AFG2A: variants seen among roughly 807,000 people sequenced by gnomAD.
AFG2A encodes ATPase family gene 2 protein homolog A.
the AFG2A span, among the ~76,000 whole-genome samples, chr4:123,112,798 C>T: frequency 6.6e-6 from 1 of 151,762 alleles, no homozygotes; most frequent in African/African-American, 2.4e-5. Flanking sequence ...GCTTTCTTTT[C>T]TTGATATTTT....
At chr4:122,948,387 T>TGCACACACACACAC in the AFG2A span, among the ~76,000 whole-genome samples, 1 of 129,550 alleles carries the variant, frequency 7.7e-6, no homozygotes, top group African/African-American at 2.9e-5. Flanking sequence ...CTCCAGAGTA[T>TGCACACACACACAC]ACACACACAC....
the AFG2A span, among the ~76,000 whole-genome samples, chr4:123,172,478 G>A: frequency 6.6e-6 from 1 of 152,110 alleles, no homozygotes; most frequent in South Asian, 2.1e-4. Context: ...TACATCTTTA[G>A]TGAAATGTTG....
chr4:123,055,501 G>T, the AFG2A span, among the ~76,000 whole-genome samples: 6 of 152,140 alleles, frequency 3.9e-5, no homozygotes, highest in Non-Finnish European at 8.8e-5. Flanking sequence ...ACCAGTTTGG[G>T]ATTAGTTAAC....
chr4:123,216,613 G>T, the AFG2A span, among the ~76,000 whole-genome samples: 1 of 151,152 alleles, frequency 6.6e-6, no homozygotes, highest in Non-Finnish European at 1.5e-5. Context: ...ACAATGGTCT[G>T]GAAAATTGTT....
the AFG2A span, among the ~76,000 whole-genome samples, chr4:123,283,223 GAAT>G: frequency 2.0e-5 from 3 of 152,040 alleles, no homozygotes; most frequent in Admixed American, 6.6e-5. Context: ...CTGATAAAGG[GAAT>G]AATATTTTTA....
chr4:123,232,770 C>T, the AFG2A span, among the ~76,000 whole-genome samples: 8 of 151,906 alleles, frequency 5.3e-5, no homozygotes, highest in African/African-American at 9.7e-5. Flanking sequence ...AATGTTATGT[C>T]GTGGCAGAAT....
At chr4:123,274,527 T>C in the AFG2A span, among the ~76,000 whole-genome samples, 1 of 151,806 alleles carries the variant, frequency 6.6e-6, no homozygotes, top group African/African-American at 2.4e-5. Flanking sequence ...TGATATTTGA[T>C]GATAACAGAT....
At chr4:123,185,300 T>C in the AFG2A span, among the ~76,000 whole-genome samples, 1 of 152,072 alleles carries the variant, frequency 6.6e-6, no homozygotes, top group South Asian at 2.1e-4. Flanking sequence ...CTGTGTTTTA[T>C]TATCTATCTA....
chr4:123,146,767 A>G, the AFG2A span, among the ~76,000 whole-genome samples: 1 of 135,138 alleles, frequency 7.4e-6, no homozygotes. Context: ...TTCAGATCAC[A>G]AGGGGTGGAT....
the AFG2A span, among the ~76,000 whole-genome samples, chr4:123,204,415 G>A: frequency 6.6e-6 from 1 of 152,168 alleles, no homozygotes. Context: ...GGTATGTAGT[G>A]ATACCTCATT....
the AFG2A span, chr4:123,315,184 CTT>C: frequency 5.7e-4 from 84 of 147,170 alleles, no homozygotes; most frequent in African/African-American, 9.5e-4. Context: ...CCAAATTGTA[CTT>C]TTTTTTTTTT....
At chr4:123,304,851 T>G in the AFG2A span, among the ~76,000 whole-genome samples, 1 of 152,124 alleles carries the variant, frequency 6.6e-6, no homozygotes, top group Non-Finnish European at 1.5e-5. Context: ...AAAAAGGACG[T>G]GAGGGGTGTC....
At chr4:123,155,635 C>G in the AFG2A span, among the ~76,000 whole-genome samples, 1 of 121,532 alleles carries the variant, frequency 8.2e-6, no homozygotes, top group South Asian at 2.8e-4. Context: ...AAATAACTAT[C>G]TGTAGCATTT....
At chr4:122,924,480 C>T in the AFG2A span, among the ~76,000 whole-genome samples, 1 of 152,178 alleles carries the variant, frequency 6.6e-6, no homozygotes, top group African/African-American at 2.4e-5. Flanking sequence ...CCCTCCTTCT[C>T]GAAACACTTA....
chr4:123,184,126 A>G, the AFG2A span, among the ~76,000 whole-genome samples: 1 of 152,222 alleles, frequency 6.6e-6, no homozygotes, highest in South Asian at 2.1e-4. Context: ...AACTAAAGCC[A>G]TAACTAAGTA....
the AFG2A span, among the ~76,000 whole-genome samples, chr4:123,268,759 A>G: frequency 1.3e-5 from 2 of 152,246 alleles, no homozygotes; most frequent in South Asian, 2.1e-4. Context: ...GGAAGTTACT[A>G]GTAAATGTGT....
At chr4:122,934,782 A>C in the AFG2A span, 6 of 1,519,852 alleles carry the variant, frequency 3.9e-6, no homozygotes, top group Non-Finnish European at 4.4e-6. Context: ...GTTAAATTCA[A>C]ATTAAAAGAC....
the AFG2A span, among the ~76,000 whole-genome samples, chr4:123,120,410 T>G: frequency 6.6e-6 from 1 of 152,204 alleles, no homozygotes; most frequent in Admixed American, 6.5e-5. Flanking sequence ...CATCATTTTA[T>G]CCGTTATAAT....
At chr4:123,270,857 G>A in the AFG2A span, among the ~76,000 whole-genome samples, 2 of 152,166 alleles carry the variant, frequency 1.3e-5, no homozygotes, top group African/African-American at 4.8e-5. Context: ...AAAAGCCAGT[G>A]TACATACAGG....
Sources: allele counts gnomAD v4.1 joint callset (sites outside exome capture counted in the v4.1 genomes callset), GRCh38; gene constraint gnomAD v4.1.1; transcripts MANE v1.5; gene names NCBI Gene and HGNC (gene_info 2026-07-23, HGNC 2026-07-21).